Variants in PCDH15 observed in about 807,000 individuals in gnomAD.
The protein encoded by PCDH15 is protocadherin related 15, also known as protocadherin-15.
In PCDH15, 129 loss-of-function variants were observed where a neutral mutation model predicts 178.5. The observed-to-expected ratio is 0.72, with a 90% CI of 0.63 to 0.84. The LOEUF is 0.84. Ranked by LOEUF, PCDH15 falls within the 40% of genes least tolerant of loss-of-function variation. The pLI is 0.00. For missense variants in PCDH15, 2,230 were observed against 2,099.9 expected, an observed-to-expected ratio of 1.06 and a Z score of -1.21; for synonymous variants, 800 against 732.0, an observed-to-expected ratio of 1.09 and a Z score of -1.50.
intron 2 of PCDH15, among the ~76,000 whole-genome samples, chr10:55,616,627 A>T (rs1843483475): frequency 6.6e-6 from 1 of 152,242 alleles, no homozygotes; most frequent in African/African-American, 2.4e-5. Context: ...GTAGCAAGAA[A>T]ATTTTTATCA....
At chr10:53,891,665 T>C (rs1297443103) in intron 26 of PCDH15, among the ~76,000 whole-genome samples, 7 of 152,024 alleles carry the variant, frequency 4.6e-5, no homozygotes, top group Non-Finnish European at 1.0e-4. Context: ...AAAAATAAAG[T>C]ATCCAGGCTG....
intron 1 of PCDH15, among the ~76,000 whole-genome samples, chr10:55,316,080 T>C (rs2593159): frequency 0.27 from 41,689 of 152,148 alleles, 6,432 homozygotes; most frequent in African/African-American, 0.42. Context: ...ACACAAAAGT[T>C]GGATCTAAAA....
chr10:55,607,680 T>C (rs959690456), intron 2 of PCDH15, among the ~76,000 whole-genome samples: 8 of 142,304 alleles, frequency 5.6e-5, no homozygotes, highest in Non-Finnish European at 1.2e-4. Flanking sequence ...TTCTCACTCA[T>C]AGGTGGGAAT....
At chr10:54,921,260 G>T (rs1445340524) in intron 2 of PCDH15, among the ~76,000 whole-genome samples, 1 of 151,720 alleles carries the variant, frequency 6.6e-6, no homozygotes, top group African/African-American at 2.4e-5. Context: ...CTTTATCTTT[G>T]CTTCCTGATT....
At chr10:54,871,428 G>A (rs1296609370) in intron 3 of PCDH15, among the ~76,000 whole-genome samples, 160 of 143,476 alleles carry the variant, frequency 1.1e-3, no homozygotes, top group Admixed American at 1.7e-3. Context: ...AGTCTGAGAG[G>A]AAAAAAAAAA....
intron 8 of PCDH15, among the ~76,000 whole-genome samples, chr10:54,315,897 A>G (rs2061229698): frequency 6.6e-6 from 1 of 151,758 alleles, no homozygotes; most frequent in Admixed American, 6.6e-5. Context: ...TTTCAAGTAA[A>G]ATTTTTATGT....
chr10:55,571,872 G>A (rs138560778), intron 2 of PCDH15, among the ~76,000 whole-genome samples: 15 of 152,060 alleles, frequency 9.9e-5, no homozygotes, highest in East Asian at 9.7e-4. Flanking sequence ...CTTTATCATC[G>A]TATGCACTGT....
chr10:55,246,899 C>T (rs987294145), intron 1 of PCDH15, among the ~76,000 whole-genome samples: 1 of 151,926 alleles, frequency 6.6e-6, no homozygotes, highest in South Asian at 2.1e-4. Context: ...CAAAATATCC[C>T]CTTTGGTCTA....
chr10:54,921,578 A>G (rs1837488244), intron 2 of PCDH15, among the ~76,000 whole-genome samples: 1 of 152,110 alleles, frequency 6.6e-6, no homozygotes, highest in Non-Finnish European at 1.5e-5. Flanking sequence ...GTGAGAACAT[A>G]TAGTATTTGT....
chr10:54,345,497 A>G (rs573133876), intron 6 of PCDH15, among the ~76,000 whole-genome samples: 1 of 152,128 alleles, frequency 6.6e-6, no homozygotes, highest in African/African-American at 2.4e-5. Context: ...TGCCTCAAAG[A>G]AAGTGGGGAG....
intron 2 of PCDH15, among the ~76,000 whole-genome samples, chr10:55,386,835 T>C (rs976972847): frequency 6.6e-6 from 1 of 152,084 alleles, no homozygotes; most frequent in African/African-American, 2.4e-5. Flanking sequence ...CGTGGCAAAA[T>C]ACAACTATAT....
intron 2 of PCDH15, among the ~76,000 whole-genome samples, chr10:55,060,483 A>G (rs1168838333): frequency 1.3e-5 from 2 of 152,032 alleles, no homozygotes; most frequent in African/African-American, 2.4e-5. Flanking sequence ...TTATATTCAA[A>G]GTCAAATGAG....
At chr10:55,368,232 C>T (rs1845414346) in intron 2 of PCDH15, among the ~76,000 whole-genome samples, 1 of 151,988 alleles carries the variant, frequency 6.6e-6, no homozygotes, top group African/African-American at 2.4e-5. Flanking sequence ...TCAACAATGG[C>T]AAGGAACCAA....
chr10:54,366,561 T>A (rs1456597744), intron 5 of PCDH15, among the ~76,000 whole-genome samples: 2 of 152,022 alleles, frequency 1.3e-5, no homozygotes, highest in East Asian at 3.9e-4. Context: ...ATAGATAAAA[T>A]TCATGTCAAC....
chr10:54,278,552 A>G (rs953268950), intron 8 of PCDH15, among the ~76,000 whole-genome samples: 12 of 151,580 alleles, frequency 7.9e-5, no homozygotes, highest in African/African-American at 2.9e-4. Context: ...GCAGTCCAAG[A>G]GATCATGGTC....
At chr10:53,965,830 G>A (rs924907671) in intron 21 of PCDH15, among the ~76,000 whole-genome samples, 16 of 150,978 alleles carry the variant, frequency 1.1e-4, no homozygotes, top group African/African-American at 3.9e-4. Context: ...CATAAAATAA[G>A]TTAATTATAC....
At chr10:54,021,725 T>C (rs1341136538) in intron 19 of PCDH15, among the ~76,000 whole-genome samples, 2 of 151,944 alleles carry the variant, frequency 1.3e-5, no homozygotes, top group Non-Finnish European at 2.9e-5. Flanking sequence ...AGGCCCTTTG[T>C]ACTGAGGACC....
At chr10:54,850,232 C>G (rs1343220386) in intron 3 of PCDH15, among the ~76,000 whole-genome samples, 1 of 152,142 alleles carries the variant, frequency 6.6e-6, no homozygotes, top group South Asian at 2.1e-4. Context: ...CATCAATACT[C>G]GATTTGTGAA....
intron 15 of PCDH15, among the ~76,000 whole-genome samples, chr10:54,107,121 A>G (rs764213038): frequency 8.5e-5 from 13 of 152,208 alleles, no homozygotes; most frequent in Non-Finnish European, 1.8e-4. Context: ...TATTTTATTA[A>G]TAGAATCAAT....
Sources: gnomAD v4.1 joint callset for allele counts (sites outside exome capture counted in the v4.1 genomes callset) on GRCh38, gnomAD v4.1.1 for gene constraint, MANE v1.5 for transcripts, NCBI Gene and HGNC (gene_info 2026-07-23, HGNC 2026-07-21) for gene names.